The following TMEM71 variants were observed in gnomAD, a reference collection of about 807,000 sequenced individuals.
The protein encoded by TMEM71 is transmembrane protein 71.
In TMEM71, 44 loss-of-function variants were observed where a neutral mutation model predicts 38.0. The observed-to-expected ratio is 1.16, with a 90% confidence interval of 0.91 to 1.49. The LOEUF is 1.49. Among genes scored for constraint, TMEM71 ranks in the 40% most tolerant of loss-of-function variants. The pLI is 0.00. For synonymous variants in TMEM71, 133 were observed against 122.5 expected (o/e 1.09, Z -0.56); for missense variants, 367 against 348.6 (o/e 1.05, Z -0.42).
chr8:132,712,804 T>C (rs1826305166), intron 9 of TMEM71, among the ~76,000 whole-genome samples: 1 of 152,166 alleles, frequency 6.6e-6, no homozygotes, highest in African/African-American at 2.4e-5. Flanking sequence ...AATAATTGTT[T>C]TAAACAAATG....
At chr8:132,761,183 C>T (rs1829287733), upstream of TMEM71, among the ~76,000 whole-genome samples, 1 of 152,112 alleles carries the variant, frequency 6.6e-6, no homozygotes, top group Non-Finnish European at 1.5e-5. Context: ...AAGAAATGTA[C>T]ATTCAAATAT....
intron 7 of TMEM71, among the ~76,000 whole-genome samples, chr8:132,715,665 A>C (rs538952670): frequency 6.6e-6 from 1 of 152,294 alleles, no homozygotes; most frequent in South Asian, 2.1e-4. Flanking sequence ...AGTGGTCAAA[A>C]ACTGGAAGCA....
chr8:132,711,240 G>A (rs577166129), intron 9 of TMEM71, among the ~76,000 whole-genome samples: 295 of 152,224 alleles, frequency 1.9e-3, no homozygotes, highest in African/African-American at 6.5e-3. Context: ...TCAGCCCAGC[G>A]TGGTACTTAG....
At chr8:132,725,052 T>TC (rs1827065909) in intron 6 of TMEM71, among the ~76,000 whole-genome samples, 2 of 151,666 alleles carry the variant, frequency 1.3e-5, no homozygotes, top group African/African-American at 4.8e-5. Flanking sequence ...TTTTCTTTTT[T>TC]TTTTTTAACA....
chr8:132,747,144 C>T lies in TMEM71; in HGVS notation c.315-30G>A, dbSNP rs544276408. On this transcript the variant is annotated intron_variant, in intron 4 of 9. Transcript: ENST00000677595. Reference sequence around the variant, plus strand: ...AGAGAAATGAAAGCATGGTGAACAACGAATAATAGTTACCTTTAGTTCAAA... The same window carrying T: ...AGAGAAATGAAAGCATGGTGAACAATGAATAATAGTTACCTTTAGTTCAAA... 164 of 1,531,096 alleles carry T rather than the reference C, an allele frequency of 1.1e-4. 1 individual carries two copies. Among genetic ancestry groups the T allele is most frequent in the South Asian group, 1.1e-3 (85 of 80,902 alleles). The allele number at this position is 1,531,096 out of a possible 1,614,324, so 94.8% of individuals were successfully genotyped here.
chr8:132,710,986 G>C lies in TMEM71; in HGVS notation c.873-4C>G. On this transcript the variant is annotated splice_polypyrimidine_tract_variant and splice_region_variant and intron_variant, in intron 9 of 9. Coordinates refer to ENST00000677595, the MANE Select transcript of TMEM71 (RefSeq NM_001382403.1). ...TGGTTGTCAAATTTTGACAAACCTA[G>C]ATTGGAGAAATAAGAAAAGAAATGC... 6.2e-7 allele frequency: 1 copy of C among 1,606,852 alleles called. No homozygotes were observed.
intron 5 of TMEM71, 38 bp from the exon 6 acceptor site, chr8:132,728,024 G>A (rs759759269): frequency 4.6e-5 from 62 of 1,337,550 alleles, no homozygotes; most frequent in Non-Finnish European, 6.3e-5. Context: ...GTGTGTGTGT[G>A]TGTGTGTGTG....
intron 7 of TMEM71, among the ~76,000 whole-genome samples, chr8:132,719,703 A>T (rs1039453030): frequency 6.6e-6 from 1 of 152,220 alleles, no homozygotes; most frequent in African/African-American, 2.4e-5. Flanking sequence ...TATTAGAATA[A>T]TTTTAGATAT....
At chr8:132,719,569 T>C (rs1338256901) in intron 7 of TMEM71, among the ~76,000 whole-genome samples, 2 of 152,264 alleles carry the variant, frequency 1.3e-5, no homozygotes, top group Non-Finnish European at 2.9e-5. Context: ...GTATGAGGCA[T>C]ACTCAACCTG....
At chr8:132,758,590 C>T (rs1436228090) in intron 2 of TMEM71, 2 of 471,566 alleles carry the variant, frequency 4.2e-6, no homozygotes, top group African/African-American at 4.0e-5. Flanking sequence ...TCTCCTTTCA[C>T]ATTTATGCAC....
chr8:132,771,517 AT>A, the TMEM71 span, among the ~76,000 whole-genome samples: 2 of 152,114 alleles, frequency 1.3e-5, no homozygotes, highest in African/African-American at 4.8e-5. Context: ...TCTGAGTAAC[AT>A]GTAAACTGAG....
chr8:132,730,778 G>A (rs1827411528), intron 5 of TMEM71, among the ~76,000 whole-genome samples: 1 of 152,108 alleles, frequency 6.6e-6, no homozygotes, highest in Non-Finnish European at 1.5e-5. Flanking sequence ...TATCGACTGG[G>A]CAAATATTTG....
chr8:132,759,853 T>C (rs1345708094), intron 1 of TMEM71, among the ~76,000 whole-genome samples: 2 of 152,226 alleles, frequency 1.3e-5, no homozygotes, highest in Non-Finnish European at 2.9e-5. Flanking sequence ...ACCTGGTTTA[T>C]AGAGACCTGT....
At position 132,757,291 on chromosome 8, in the gene TMEM71, G is replaced by T. The variant is rs1829078699; in HGVS notation, c.44C>A (p.Ser15Tyr). 1.3e-6 allele frequency: 2 copies of T among 1,597,990 alleles called. No individual in the cohort carries two copies. Among genetic ancestry groups the T allele is most frequent in the Admixed American group, 1.7e-5 (1 of 57,578 alleles). ...AGCATATTCTCTTTCCAACCTGGAA[G>T]AACCTGCATAAACAAATGAGAGAGA... ...SQLMSTPVAS[S>Y]SRLEREYAGE... Residue 15 changes from serine (S) to tyrosine (Y), a missense_variant, in exon 3 of 10, where the codon TCT (serine) becomes TAT (tyrosine). Coordinates refer to ENST00000677595, the MANE Select transcript of TMEM71 (RefSeq NM_001382403.1).
chr8:132,748,027 G>T (rs1292060860), intron 4 of TMEM71, among the ~76,000 whole-genome samples: 3 of 152,222 alleles, frequency 2.0e-5, no homozygotes, highest in African/African-American at 7.2e-5. Context: ...ATTCACTGTT[G>T]CGTATCTGCC....
chr8:132,774,798 A>G, the TMEM71 span, among the ~76,000 whole-genome samples: 468 of 152,364 alleles, frequency 3.1e-3, 5 homozygotes, highest in African/African-American at 0.011. Context: ...GCCATAGGTT[A>G]AGGTTATTCA....
upstream of TMEM71, among the ~76,000 whole-genome samples, chr8:132,763,837 C>T (rs1829331910): frequency 6.6e-6 from 1 of 152,202 alleles, no homozygotes. Context: ...CTGTTAGTCC[C>T]TAAGATACTC....
At chr8:132,718,177 A>C (rs1826636410) in intron 7 of TMEM71, among the ~76,000 whole-genome samples, 1 of 152,208 alleles carries the variant, frequency 6.6e-6, no homozygotes, top group African/African-American at 2.4e-5. Context: ...ATGGTTGCAC[A>C]ATTTTGTAAA....
In TMEM71 at chr8:132,752,017, G is replaced by A. The variant is rs2467986; in HGVS notation, c.102-20C>T. 521,266 of 1,600,516 alleles carry A rather than the reference G, an allele frequency of 0.33. 86,389 individuals carry two copies. The highest frequency in any genetic ancestry group is 0.34 in the Non-Finnish European group (395,649 of 1,168,588). ...GTGAAACTAAGAAGGAAAAGATAAC[G>A]CACTTTAAATCTCTATTCAGTACAT... On this transcript the variant is annotated intron_variant, in intron 3 of 9. Transcript: ENST00000677595.
Sources: gnomAD v4.1 joint callset for allele counts (sites outside exome capture counted in the v4.1 genomes callset) on GRCh38, gnomAD v4.1.1 for gene constraint, MANE v1.5 for transcripts, NCBI Gene and HGNC (gene_info 2026-07-23, HGNC 2026-07-21) for gene names.